ZFHX3: variants seen among roughly 807,000 people sequenced by gnomAD.
The protein encoded by ZFHX3 is zinc finger homeobox protein 3.
In ZFHX3, 42 loss-of-function variants were observed where a neutral mutation model predicts 279.1. The ratio of observed to expected loss-of-function variants is 0.15; its 90% CI spans 0.12 to 0.19. The LOEUF (loss-of-function observed/expected upper bound fraction) is 0.19, where lower values mean the gene tolerates loss of function less well. ZFHX3 is among the 10% of genes least tolerant of loss of function. The probability of loss-of-function intolerance (pLI) is 1.00; values close to 1 mark genes in which losing one functional copy is unlikely to be tolerated. For synonymous variants in ZFHX3, 2,293 were observed against 1,957.8 expected (o/e 1.17, Z -4.52); for missense variants, 4,981 against 4,754.0 (o/e 1.05, Z -1.40).
intron 1 of ZFHX3, among the ~76,000 whole-genome samples, chr16:73,745,281 C>T (rs1380348891): frequency 6.6e-6 from 1 of 152,172 alleles, no homozygotes; most frequent in Non-Finnish European, 1.5e-5. Flanking sequence ...ATGTTGACTT[C>T]TTCAGTGTCT....
intron 2 of ZFHX3, among the ~76,000 whole-genome samples, chr16:73,505,845 G>T (rs771198748): frequency 7.9e-5 from 12 of 152,226 alleles, no homozygotes; most frequent in Non-Finnish European, 1.8e-4. Flanking sequence ...AGAGACACAT[G>T]AATGTGAATA....
At chr16:73,229,777 T>C (rs973463873) in intron 5 of ZFHX3, among the ~76,000 whole-genome samples, 1 of 152,220 alleles carries the variant, frequency 6.6e-6, no homozygotes, top group Non-Finnish European at 1.5e-5. Context: ...TTCATAAGAC[T>C]CTTGAAAGAG....
At chr16:73,160,864 G>T in intron 5 of ZFHX3, among the ~76,000 whole-genome samples, 1 of 149,554 alleles carries the variant, frequency 6.7e-6, no homozygotes, top group Admixed American at 6.7e-5. Context: ...TGCTGTGGTG[G>T]TAAAAATGGT....
chr16:73,409,715 T>C (rs2017428788), intron 3 of ZFHX3, among the ~76,000 whole-genome samples: 1 of 152,198 alleles, frequency 6.6e-6, no homozygotes, highest in Non-Finnish European at 1.5e-5. Flanking sequence ...GGAAGTGACC[T>C]AAGGGTACAT....
At chr16:73,068,835 G>A (rs74813850) in intron 8 of ZFHX3, among the ~76,000 whole-genome samples, 1 of 152,226 alleles carries the variant, frequency 6.6e-6, no homozygotes, top group East Asian at 1.9e-4. Context: ...AGGCCCTAAG[G>A]TAGGGAAGGC....
intron 1 of ZFHX3, among the ~76,000 whole-genome samples, chr16:73,766,936 T>C (rs1208999186): frequency 7.9e-6 from 1 of 125,998 alleles, no homozygotes; most frequent in African/African-American, 3.5e-5. Context: ...GCCATTACTT[T>C]TTTTTTTTTT....
chr16:73,029,692 G>C (rs1964626595), intron 1 of ZFHX3, among the ~76,000 whole-genome samples: 1 of 152,188 alleles, frequency 6.6e-6, no homozygotes, highest in African/African-American at 2.4e-5. Context: ...GCCCAAGTGG[G>C]AATCCCAGCA....
At chr16:73,802,591 C>T (rs1336872117) in intron 1 of ZFHX3, among the ~76,000 whole-genome samples, 1 of 152,164 alleles carries the variant, frequency 6.6e-6, no homozygotes, top group East Asian at 1.9e-4. Context: ...ATACAGGTCG[C>T]AGCTCTGCCT....
chr16:72,932,770 G>A (rs1198597169), intron 3 of ZFHX3, among the ~76,000 whole-genome samples: 1 of 151,728 alleles, frequency 6.6e-6, no homozygotes, highest in African/African-American at 2.4e-5. Flanking sequence ...TGTGGTCTAA[G>A]AAGACGATGG....
At chr16:73,371,718 T>A (rs942768773) in intron 3 of ZFHX3, among the ~76,000 whole-genome samples, 1 of 152,132 alleles carries the variant, frequency 6.6e-6, no homozygotes, top group Non-Finnish European at 1.5e-5. Context: ...TTAAATATGG[T>A]TTCTTCATCC....
chr16:73,752,929 C>T (rs936937231), intron 1 of ZFHX3, among the ~76,000 whole-genome samples: 2 of 152,166 alleles, frequency 1.3e-5, no homozygotes, highest in Admixed American at 6.5e-5. Flanking sequence ...GCAGGTACAG[C>T]GGATCCTCAT....
At chr16:73,815,474 C>A in intron 1 of ZFHX3, 1 of 152,102 alleles carries the variant, frequency 6.6e-6, no homozygotes, top group African/African-American at 2.4e-5. Flanking sequence ...AGCTACATTG[C>A]ACATTATGTC....
At chr16:73,534,345 A>G (rs2019857699) in intron 2 of ZFHX3, among the ~76,000 whole-genome samples, 1 of 152,130 alleles carries the variant, frequency 6.6e-6, no homozygotes, top group African/African-American at 2.4e-5. Context: ...CCTCTCAATG[A>G]GTTCTACCCT....
chr16:73,597,579 C>T (rs1037778494), intron 2 of ZFHX3, among the ~76,000 whole-genome samples: 2 of 152,096 alleles, frequency 1.3e-5, no homozygotes, highest in African/African-American at 4.8e-5. Context: ...TTGACAAAGG[C>T]CATGAGAACA....
intron 1 of ZFHX3, among the ~76,000 whole-genome samples, chr16:73,782,536 T>G (rs1325709711): frequency 6.6e-6 from 1 of 152,178 alleles, no homozygotes; most frequent in African/African-American, 2.4e-5. Context: ...ATCCTTCCCC[T>G]TAGAGAACAT....
At chr16:73,211,772 G>T (rs1160764579) in intron 5 of ZFHX3, among the ~76,000 whole-genome samples, 2 of 151,716 alleles carry the variant, frequency 1.3e-5, no homozygotes, top group African/African-American at 4.8e-5. Context: ...TTTTTTGGGG[G>T]CTAGCATGAT....
intron 1 of ZFHX3, among the ~76,000 whole-genome samples, chr16:73,043,939 T>C (rs1179684750): frequency 2.0e-5 from 3 of 152,214 alleles, no homozygotes; most frequent in African/African-American, 4.8e-5. Context: ...GGCTTGCCAA[T>C]GAGCCAAGAT....
chr16:73,089,008 A>G (rs572289191), intron 8 of ZFHX3, among the ~76,000 whole-genome samples: 1 of 152,326 alleles, frequency 6.6e-6, no homozygotes, highest in African/African-American at 2.4e-5. Context: ...ATTTGAACTT[A>G]ACATAGCCCT....
intron 7 of ZFHX3, chr16:73,099,136 T>C (rs1966201021): frequency 6.6e-6 from 1 of 152,222 alleles, no homozygotes; most frequent in Non-Finnish European, 1.5e-5. Flanking sequence ...AGACAAAATA[T>C]TGTGAATGGT....
Sources: gnomAD v4.1 joint callset for allele counts (sites outside exome capture counted in the v4.1 genomes callset) on GRCh38, gnomAD v4.1.1 for gene constraint, MANE v1.5 for transcripts, NCBI Gene and HGNC (gene_info 2026-07-23, HGNC 2026-07-21) for gene names.